The following PRMT2 variants were observed in gnomAD, a reference collection of about 807,000 sequenced individuals.
PRMT2 encodes the protein protein arginine methyltransferase 2, also known as protein arginine N-methyltransferase 2.
Under a neutral mutation model 57.6 loss-of-function variants are expected in PRMT2, and 26 were observed. That is an observed-to-expected ratio of 0.45 (90% CI 0.33 to 0.63). The LOEUF (loss-of-function observed/expected upper bound fraction) is 0.63. Ranked by LOEUF, PRMT2 falls within the 20% of genes least tolerant of loss-of-function variation. The pLI is 0.02. For missense variants in PRMT2, 472 were observed against 564.4 expected (o/e 0.84, Z 1.66); for synonymous variants, 219 against 220.0 (o/e 1.00, Z 0.04).
chr21:46,645,317 T>TGCACTTCAGCCTGGGCTACAGAGCGAG (rs1601925939), intron 5 of PRMT2, among the ~76,000 whole-genome samples: 3 of 151,630 alleles, frequency 2.0e-5, no homozygotes, highest in African/African-American at 4.8e-5. Flanking sequence ...TAATACTACT[T>TGCACTTCAGCCTGGGCTACAGAGCGAG]AGGTCAGGTG....
At chr21:46,661,687 A>G (rs1039743812) in intron 9 of PRMT2, 113 bp from the exon 10 acceptor site, 75 of 1,113,174 alleles carry the variant, frequency 6.7e-5, no homozygotes, top group Non-Finnish European at 2.2e-5. Flanking sequence ...GGGCTTTTCT[A>G]CGGTTCCTGA....
At chr21:46,650,411 G>A (rs2061432097) in intron 7 of PRMT2, among the ~76,000 whole-genome samples, 1 of 152,220 alleles carries the variant, frequency 6.6e-6, no homozygotes, top group African/African-American at 2.4e-5. Context: ...GGAGTGTGGA[G>A]TATGGCTGCT....
intron 3 of PRMT2, among the ~76,000 whole-genome samples, chr21:46,637,745 C>CTA (rs948199564): frequency 1.3e-5 from 2 of 151,410 alleles, no homozygotes; most frequent in Middle Eastern, 3.2e-3. Context: ...GTACATTAAG[C>CTA]TATATATATG....
Position 46,649,847 on chromosome 21 carries a change from A to G in PRMT2, c.654+108A>G. 2 of 1,527,362 alleles carry G rather than the reference A, an allele frequency of 1.3e-6. No individual in the cohort carries two copies. Among genetic ancestry groups the G allele is most frequent in the Non-Finnish European group, 8.9e-7 (1 of 1,128,844 alleles). 94.6% of individuals were successfully genotyped at this position (1,527,362 alleles called of 1,614,324 possible). A position where few individuals can be genotyped will look rare whatever the true frequency, so the allele number is the denominator to read the frequency against. ...CAAGGGTCGTGCGTGATTCATTTTG[A>G]TGTTTTCCCTAATGTGAGGTCTAAT... On this transcript the variant is annotated intron_variant, in intron 7 of 11. Transcript: ENST00000355680. This position sits in a 1 kb window ranked among gnomAD's most constrained non-coding sequence, Gnocchi z 4.8.
rs1214062630 is a variant in PRMT2, at chr21:46,665,033, C to G, written c.*706C>G. On this transcript the variant is annotated 3_prime_UTR_variant, in exon 12 of 12. Coordinates refer to ENST00000355680, the MANE Select transcript of PRMT2 (RefSeq NM_206962.4). ...TATGCATTGCTTTATAAGTTTTTCT[C>G]AATATTGTGAAAAAACTTCCACATC... is the stretch of plus-strand genomic sequence containing the variant. 1 of 152,038 alleles carries G rather than the reference C, an allele frequency of 6.6e-6. No homozygotes were observed. Among genetic ancestry groups the G allele is most frequent in the Non-Finnish European group, 1.5e-5 (1 of 68,020 alleles). 9.4% of individuals were successfully genotyped at this position (152,038 alleles called of 1,614,324 possible).
intron 7 of PRMT2, chr21:46,653,872 T>A: frequency 2.0e-6 from 2 of 1,024,892 alleles, no homozygotes; most frequent in Non-Finnish European, 2.3e-6. Context: ...TCTCTTCACC[T>A]CCTTCTACAA....
At position 46,659,776 on chromosome 21, in the gene PRMT2, C is replaced by T. The variant is rs925289534; in HGVS notation, c.830+856C>T. 1.7e-5 allele frequency: 17 copies of T among 985,368 alleles called. No individual in the cohort carries two copies. The African/African-American group carries it at 2.8e-4, about 16-fold the overall frequency. 61.0% of individuals were successfully genotyped at this position (985,368 alleles called of 1,614,324 possible). On this transcript the variant is annotated intron_variant, in intron 8 of 11. Transcript: ENST00000355680. Reference sequence around the variant, plus strand: ...CCTCCCGGCACTGGAAGCCAGTGGCCGTCCAGAGGAACGTGATTGAATTGC... The same window carrying T: ...CCTCCCGGCACTGGAAGCCAGTGGCTGTCCAGAGGAACGTGATTGAATTGC...
At chr21:46,638,595 A>G (rs1186733097) in intron 3 of PRMT2, among the ~76,000 whole-genome samples, 2 of 152,196 alleles carry the variant, frequency 1.3e-5, no homozygotes, top group Admixed American at 1.3e-4. Context: ...AGTAGCCCAC[A>G]ATAGTGCTTA....
chr21:46,651,170 A>G (rs1382154349), intron 7 of PRMT2, among the ~76,000 whole-genome samples: 3 of 151,994 alleles, frequency 2.0e-5, no homozygotes, highest in African/African-American at 4.8e-5. Flanking sequence ...AGGACTGACC[A>G]TGGCTTTATT....
In PRMT2 at chr21:46,643,493, G is replaced by A. The variant is rs79563329; in HGVS notation, c.40-42G>A. The A allele has an allele frequency of 4.1e-4, 517 of 1,272,758 alleles. 5 individuals are homozygous for A. In the East Asian group the frequency reaches 0.012, roughly 31 times the overall value. The allele number at this position is 1,272,758 out of a possible 1,614,324, so 78.8% of individuals were successfully genotyped here. A position where few individuals can be genotyped will look rare whatever the true frequency, so the allele number is the denominator to read the frequency against. On this transcript the variant is annotated intron_variant, in intron 3 of 11. Transcript: ENST00000355680. Reference sequence around the variant, plus strand: ...ATATAGCCAAAAAAAAAAAAAAAAAGCTCCAGCGTCCTCTCCTCACGCTTT... The same window carrying A: ...ATATAGCCAAAAAAAAAAAAAAAAAACTCCAGCGTCCTCTCCTCACGCTTT...
chr21:46,651,892 C>T (rs768849223), intron 7 of PRMT2: 95 of 1,613,082 alleles, frequency 5.9e-5, no homozygotes, highest in Non-Finnish European at 7.6e-5. Context: ...GTCTGCCTCT[C>T]CCCTGCACCT....
intron 3 of PRMT2, among the ~76,000 whole-genome samples, chr21:46,639,678 T>C (rs988792275): frequency 1.3e-4 from 20 of 151,450 alleles, no homozygotes; most frequent in Admixed American, 4.0e-4. Flanking sequence ...TTATCATTAG[T>C]GCTTACATAA....
At chr21:46,658,417 C>A (rs947137097) in intron 7 of PRMT2, 2 of 246,934 alleles carry the variant, frequency 8.1e-6, no homozygotes, top group African/African-American at 4.5e-5. Flanking sequence ...CACTTCAGGG[C>A]TCTTTCAAAA....
At chr21:46,663,325 G>A (rs986766303) in intron 10 of PRMT2, 58 bp from the exon 11 acceptor site, 15 of 1,537,098 alleles carry the variant, frequency 9.8e-6, no homozygotes, top group Middle Eastern at 2.2e-4. Flanking sequence ...GCGCCCCGAG[G>A]GCCATGTGGA....
chr21:46,647,416 G>T (rs1454012867), intron 5 of PRMT2, among the ~76,000 whole-genome samples: 1 of 151,706 alleles, frequency 6.6e-6, no homozygotes, highest in Admixed American at 6.6e-5. Context: ...TCTTTTCTTT[G>T]TGAAAAACCT....
intron 3 of PRMT2, among the ~76,000 whole-genome samples, chr21:46,638,274 T>C (rs1337402428): frequency 6.6e-6 from 1 of 152,242 alleles, no homozygotes; most frequent in Non-Finnish European, 1.5e-5. Context: ...ATCCTGCCAC[T>C]GTAGGGTACT....
At chr21:46,637,762 T>C (rs1025576647) in intron 3 of PRMT2, among the ~76,000 whole-genome samples, 1 of 149,156 alleles carries the variant, frequency 6.7e-6, no homozygotes, top group Non-Finnish European at 1.5e-5. Context: ...TATGTGTGTG[T>C]ATATACATAT....
chr21:46,637,507 C>A (rs570671669), intron 3 of PRMT2, among the ~76,000 whole-genome samples: 163 of 152,274 alleles, frequency 1.1e-3, no homozygotes, highest in African/African-American at 3.8e-3. Context: ...ATTTCCGTAT[C>A]TGTTATGTCA....
chr21:46,661,651 T>A (rs914177455), intron 9 of PRMT2, 149 bp from the exon 10 acceptor site: 5 of 710,428 alleles, frequency 7.0e-6, no homozygotes, highest in Non-Finnish European at 9.7e-6. Flanking sequence ...CGATGCGGGT[T>A]TTGGGGGTGG....
Sources: gnomAD v4.1 joint callset for allele counts (sites outside exome capture counted in the v4.1 genomes callset) on GRCh38, gnomAD v4.1.1 for gene constraint, Gnocchi (gnomAD v3.1) non-coding constraint, MANE v1.5 for transcripts, NCBI Gene and HGNC (gene_info 2026-07-23, HGNC 2026-07-21) for gene names.